The following SPTAN1 variants were observed in gnomAD, a reference collection of about 807,000 sequenced individuals.
SPTAN1 encodes the protein spectrin alpha, non-erythrocytic 1, also known as spectrin alpha chain, non-erythrocytic 1.
SPTAN1 carries 61 observed loss-of-function variants against 331.3 expected under a neutral mutation model. The observed-to-expected ratio is 0.18, with a 90% confidence interval of 0.15 to 0.23. The LOEUF is 0.23. Ranked by LOEUF, SPTAN1 falls within the 10% of genes least tolerant of loss-of-function variation. The pLI, the probability that SPTAN1 is intolerant of heterozygous loss-of-function variation, is 1.00. For synonymous variants in SPTAN1, 1,153 were observed against 1,173.9 expected (o/e 0.98, Z 0.36); for missense variants, 2,043 against 3,147.9 (o/e 0.65, Z 8.40).
intron 12 of SPTAN1, 105 bp downstream of exon 12, chr9:128,581,997 A>G: frequency 1.2e-6 from 1 of 869,026 alleles, no homozygotes; most frequent in Admixed American, 1.8e-5. Flanking sequence ...TCATATGCAG[A>G]GTACTCCTGT....
intron 45 of SPTAN1, among the ~76,000 whole-genome samples, chr9:128,622,921 T>C (rs991488324): frequency 6.6e-6 from 1 of 151,494 alleles, no homozygotes; most frequent in East Asian, 2.0e-4. Flanking sequence ...CCCAGCTAAT[T>C]TTTGTATTTT....
intron 2 of SPTAN1, 47 bp from the exon 3 acceptor site, chr9:128,568,725 G>T: frequency 1.2e-6 from 2 of 1,611,928 alleles, no homozygotes; most frequent in Non-Finnish European, 1.7e-6. Flanking sequence ...ACAAAATGCT[G>T]ATGCTGTGTG....
In SPTAN1 at chr9:128,632,423, T is replaced by C. The variant is rs140241053; in HGVS notation, c.6960-8T>C. 1.5e-4 allele frequency: 250 copies of C among 1,614,144 alleles called. No individual in the cohort carries two copies. The African/African-American group carries it at 2.7e-3, about 18-fold the overall frequency. On this transcript the variant is annotated splice_polypyrimidine_tract_variant and splice_region_variant and intron_variant, in intron 53 of 56. Transcript: ENST00000372739. ...GGGTCTGTTCCCTAATTTCTGTTTT[T>C]CTTCCAGGAACACAACAGGTGTGAC...
rs143633226 is a variant in SPTAN1 at position 128,624,432 on chromosome 9, G to A, written c.5937G>A (p.Glu1979=). ...AAAQRKAKLD[E]NSAFLQFNWK... ...CCCAGAGAAAGGCGAAGCTGGATGA[G>A]AACTCGGCCTTCCTTCAGTTCAACT... Residue 1979 remains glutamate (E), a synonymous_variant, in exon 46 of 57, where the codon GAG becomes GAA. Transcript: ENST00000372739. The A allele has an allele frequency of 5.0e-6, 8 of 1,613,860 alleles. No individual in the cohort carries two copies. Among genetic ancestry groups the A allele is most frequent in the Non-Finnish European group, 6.8e-6 (8 of 1,180,042 alleles).
intron 44 of SPTAN1, among the ~76,000 whole-genome samples, chr9:128,619,554 C>T (rs1857590961): frequency 2.0e-5 from 3 of 152,336 alleles, no homozygotes; most frequent in Middle Eastern, 3.4e-3. Flanking sequence ...GCCATCTTCC[C>T]TCTGAGTCTG....
intron 1 of SPTAN1, among the ~76,000 whole-genome samples, chr9:128,562,988 ATG>A (rs1312918748): frequency 0.24 from 538 of 2,238 alleles, 9 homozygotes; most frequent in African/African-American, 0.4. Flanking sequence ...ATATACATGT[ATG>A]TGTATATATA....
Position 128,593,056 on chromosome 9 carries a change from G to A in SPTAN1, c.3215+14G>A. On this transcript the variant is annotated intron_variant, in intron 23 of 56. Coordinates refer to ENST00000372739, the MANE Select transcript of SPTAN1 (RefSeq NM_001130438.3). The stretch of plus-strand genomic sequence containing the variant: ...GGTGGAAGAACTGTGAGTAGGCTGA[G>A]AGTCTTGCAGAGCACCAATGTCCAC... 1 of 1,605,322 alleles carries A rather than the reference G, an allele frequency of 6.2e-7. No homozygotes were observed. Among genetic ancestry groups the A allele is most frequent in the East Asian group, 2.2e-5 (1 of 44,706 alleles).
chr9:128,593,082 T>G (rs539397575), intron 23 of SPTAN1, 40 bp downstream of exon 23: 29 of 1,581,842 alleles, frequency 1.8e-5, no homozygotes, highest in Non-Finnish European at 2.4e-5. Flanking sequence ...CAATGTCCAC[T>G]GCTACCCTAT....
chr9:128,598,293 C>G (rs2131435101), intron 24 of SPTAN1, 107 bp from the exon 25 acceptor site: 5 of 783,980 alleles, frequency 6.4e-6, no homozygotes, highest in East Asian at 2.9e-5. Context: ...TTTTGGTAGG[C>G]CTCTGTAGAA....
intron 3 of SPTAN1, among the ~76,000 whole-genome samples, 183 bp downstream of exon 3, chr9:128,569,080 G>A (rs779083749): frequency 7.9e-5 from 12 of 152,188 alleles, no homozygotes; most frequent in Non-Finnish European, 1.8e-4. Flanking sequence ...GAATGCAAGC[G>A]TTTGTATACT....
chr9:128,598,176 G>T (rs1054004833), intron 24 of SPTAN1, among the ~76,000 whole-genome samples: 3 of 146,342 alleles, frequency 2.0e-5, no homozygotes, highest in Admixed American at 2.0e-4. Context: ...TCGAACTCCC[G>T]ACCTCAGGTG....
Position 128,625,080 on chromosome 9 carries a change from A to G in SPTAN1, c.5993-23A>G. On this transcript the variant is annotated intron_variant, in intron 46 of 56. Coordinates refer to ENST00000372739, the MANE Select transcript of SPTAN1 (RefSeq NM_001130438.3). This position sits in a 1 kb window ranked among gnomAD's most constrained non-coding sequence, Gnocchi z 4.1. ...CCATCTCCACTGAGGAGGGCAGTAT[A>G]TTTTCCACACTTCGTTTTCTAGGTG... 1 of 1,612,632 alleles carries G rather than the reference A, an allele frequency of 6.2e-7. No individual in the cohort carries two copies. Among genetic ancestry groups the G allele is most frequent in the Non-Finnish European group, 8.5e-7 (1 of 1,178,810 alleles).
At chr9:128,602,881 C>A (rs1855356950) in intron 27 of SPTAN1, among the ~76,000 whole-genome samples, 1 of 152,020 alleles carries the variant, frequency 6.6e-6, no homozygotes, top group Admixed American at 6.6e-5. Flanking sequence ...GGTGATCCAC[C>A]CACTTTGGTC....
intron 10 of SPTAN1, among the ~76,000 whole-genome samples, chr9:128,580,158 T>A (rs1851763256): frequency 6.6e-6 from 1 of 151,916 alleles, no homozygotes; most frequent in Non-Finnish European, 1.5e-5. Flanking sequence ...GACAAAAAAT[T>A]AATAAATTAG....
At chr9:128,567,227 C>T (rs1850137438) in intron 2 of SPTAN1, among the ~76,000 whole-genome samples, 1 of 152,140 alleles carries the variant, frequency 6.6e-6, no homozygotes, top group African/African-American at 2.4e-5. Flanking sequence ...TACTGGTGAG[C>T]TTTAAACATT....
At chr9:128,559,995 A>G (rs770656741) in intron 1 of SPTAN1, among the ~76,000 whole-genome samples, 8 of 151,994 alleles carry the variant, frequency 5.3e-5, no homozygotes, top group Non-Finnish European at 1.0e-4. Flanking sequence ...TTGGCCTCCC[A>G]AAGTGCTGGG....
At chr9:128,567,326 A>C (rs1461737779) in intron 2 of SPTAN1, among the ~76,000 whole-genome samples, 1 of 152,084 alleles carries the variant, frequency 6.6e-6, no homozygotes, top group Non-Finnish European at 1.5e-5. Context: ...AGTTGCGCTC[A>C]TGTCGCCCAG....
Position 128,627,571 on chromosome 9 carries a change from C to T in SPTAN1, c.6689+73C>T, listed in dbSNP as rs1032163006. On this transcript the variant is annotated intron_variant, in intron 50 of 56. Transcript: ENST00000372739. The surrounding 1 kb of genome is among the most constrained non-coding windows in gnomAD (Gnocchi z 4.9). ...TTAAGCCCTGGGGAGCTTCCAGCCC[C>T]AAGGAGGTGGTGGTGCTTTGTGTAA... The T allele has an allele frequency of 3.6e-6, 5 of 1,371,074 alleles. No homozygotes were observed. The African/African-American group carries it at 4.3e-5, about 12-fold the overall frequency. The allele number at this position is 1,371,074 out of a possible 1,614,324, so 84.9% of individuals were successfully genotyped here.
At chr9:128,631,978 C>A (rs1859823163) in intron 52 of SPTAN1, 149 bp from the exon 53 acceptor site, 5 of 761,870 alleles carry the variant, frequency 6.6e-6, no homozygotes, top group African/African-American at 1.8e-5. Context: ...CAGCTTCACC[C>A]CATCCCACTA....
Sources: gnomAD v4.1 joint callset for allele counts (sites outside exome capture counted in the v4.1 genomes callset) on GRCh38, gnomAD v4.1.1 for gene constraint, Gnocchi (gnomAD v3.1) non-coding constraint, MANE v1.5 for transcripts, NCBI Gene and HGNC (gene_info 2026-07-23, HGNC 2026-07-21) for gene names.